ADK: variants seen among roughly 807,000 people sequenced by gnomAD.
ADK encodes adenosine kinase.
Under a neutral mutation model 44.7 loss-of-function variants are expected in ADK, and 24 were observed. The ratio of observed to expected loss-of-function variants is 0.54; its 90% CI spans 0.39 to 0.76. The LOEUF is 0.76. Ranked by LOEUF, ADK falls within the 30% of genes least tolerant of loss-of-function variation. The pLI is 0.00. For missense variants in ADK, 321 were observed against 425.1 expected (o/e 0.76, Z 2.15); for synonymous variants, 128 against 142.6 (o/e 0.90, Z 0.73).
At chr10:74,432,309 A>G (rs1431738732) in intron 6 of ADK, among the ~76,000 whole-genome samples, 1 of 152,226 alleles carries the variant, frequency 6.6e-6, no homozygotes, top group Non-Finnish European at 1.5e-5. Context: ...GACAGGCCAT[A>G]TTCCATATCT....
At chr10:74,190,267 A>G (rs1842915044) in intron 1 of ADK, among the ~76,000 whole-genome samples, 1 of 152,228 alleles carries the variant, frequency 6.6e-6, no homozygotes, top group African/African-American at 2.4e-5. Context: ...GTCTTCGCTG[A>G]GAGGCTCTGT....
intron 1 of ADK, among the ~76,000 whole-genome samples, chr10:74,172,673 G>A (rs1184199187): frequency 8.2e-6 from 1 of 121,596 alleles, no homozygotes; most frequent in Non-Finnish European, 1.6e-5. Flanking sequence ...TGGGCAACAA[G>A]AGTGAAACTC....
intron 9 of ADK, chr10:74,655,744 T>C: frequency 4.1e-6 from 2 of 488,102 alleles, no homozygotes; most frequent in Non-Finnish European, 8.1e-6. Flanking sequence ...TTGCTGTTCC[T>C]CCAGTTGCCA....
At chr10:74,649,459 A>T (rs1372588810) in intron 9 of ADK, among the ~76,000 whole-genome samples, 1 of 151,906 alleles carries the variant, frequency 6.6e-6, no homozygotes, top group Non-Finnish European at 1.5e-5. Context: ...GACCCTGTCT[A>T]CAAAAAATTA....
intron 1 of ADK, among the ~76,000 whole-genome samples, chr10:74,175,161 G>T (rs1028677244): frequency 6.6e-6 from 1 of 152,120 alleles, no homozygotes; most frequent in Non-Finnish European, 1.5e-5. Context: ...CGGGCAGATC[G>T]CTTGAGGCCA....
intron 6 of ADK, among the ~76,000 whole-genome samples, chr10:74,431,694 T>C (rs1785305064): frequency 6.6e-6 from 1 of 152,032 alleles, no homozygotes; most frequent in Non-Finnish European, 1.5e-5. Context: ...TGAGCCTAGA[T>C]TGTGCCACTG....
intron 9 of ADK, among the ~76,000 whole-genome samples, chr10:74,629,269 A>T (rs1853328231): frequency 6.6e-6 from 1 of 152,002 alleles, no homozygotes; most frequent in African/African-American, 2.4e-5. Flanking sequence ...GCCTCAAGTG[A>T]TTCTCCTGCT....
At chr10:74,641,575 T>A (rs1853843729) in intron 9 of ADK, 1 of 152,214 alleles carries the variant, frequency 6.6e-6, no homozygotes, top group Non-Finnish European at 1.5e-5. Context: ...GTCTAATGCA[T>A]TTATATAAAA....
intron 6 of ADK, among the ~76,000 whole-genome samples, chr10:74,424,186 C>T (rs1298929533): frequency 6.6e-6 from 1 of 152,068 alleles, no homozygotes; most frequent in Non-Finnish European, 1.5e-5. Context: ...GGTGGTATCT[C>T]CATATAAAAA....
intron 6 of ADK, among the ~76,000 whole-genome samples, chr10:74,514,750 T>G (rs1186198566): frequency 2.0e-5 from 3 of 152,218 alleles, no homozygotes; most frequent in Non-Finnish European, 4.4e-5. Context: ...ACATTTCATA[T>G]ATTTCCTTAT....
chr10:74,640,437 A>G (rs1853800739), intron 9 of ADK, among the ~76,000 whole-genome samples: 2 of 152,248 alleles, frequency 1.3e-5, no homozygotes, highest in Admixed American at 1.3e-4. Flanking sequence ...GGAAAATAAC[A>G]AAGAGGGAAT....
chr10:74,205,219 G>C (rs1843549556), intron 2 of ADK, among the ~76,000 whole-genome samples: 1 of 151,958 alleles, frequency 6.6e-6, no homozygotes, highest in Non-Finnish European at 1.5e-5. Context: ...GTGTTTTTAA[G>C]GTTGATGTTT....
chr10:74,620,993 T>C (rs369789768), intron 9 of ADK, among the ~76,000 whole-genome samples: 22 of 152,280 alleles, frequency 1.4e-4, no homozygotes, highest in Admixed American at 2.6e-4. Context: ...GTAAGTTGTA[T>C]GTATTTTTTT....
At chr10:74,160,248 C>T (rs909335630) in intron 1 of ADK, among the ~76,000 whole-genome samples, 51 of 152,324 alleles carry the variant, frequency 3.3e-4, no homozygotes, top group African/African-American at 1.2e-3. Flanking sequence ...CACGGCAACA[C>T]CCAGAAGTTA....
At chr10:74,411,445 T>G (rs1474668712) in intron 6 of ADK, among the ~76,000 whole-genome samples, 1 of 152,230 alleles carries the variant, frequency 6.6e-6, no homozygotes, top group Non-Finnish European at 1.5e-5. Context: ...CATGAATATT[T>G]TGGTTTCTGA....
rs369107109 is a variant in ADK at position 74,363,186 on chromosome 10, A to G, written c.274-30955A>G. Among the ~76,000 whole-genome samples, 14 of 152,338 alleles carry G rather than the reference A, an allele frequency of 9.2e-5. No individual in the cohort carries two copies. In the East Asian group the frequency reaches 1.9e-3, roughly 21 times the overall value. On this transcript the variant is annotated intron_variant, in intron 4 of 10. Coordinates refer to ENST00000539909, the MANE Select transcript of ADK (RefSeq NM_006721.4). ...AGTATCTACTATGGATATGCCTGTCACATGGATCCAGTTGGGCGTGTGTCT... is the reference window on the plus strand; with the variant it reads ...AGTATCTACTATGGATATGCCTGTCGCATGGATCCAGTTGGGCGTGTGTCT...
intron 1 of ADK, among the ~76,000 whole-genome samples, chr10:74,189,334 A>C (rs779302615): frequency 1.3e-5 from 2 of 152,134 alleles, no homozygotes; most frequent in Admixed American, 1.3e-4. Context: ...TCTGTACCAT[A>C]TATCTGTAAA....
chr10:74,276,471 A>T (rs1397360426), intron 3 of ADK, among the ~76,000 whole-genome samples: 2 of 152,322 alleles, frequency 1.3e-5, no homozygotes, highest in South Asian at 4.1e-4. Context: ...CAGATAACAA[A>T]TTGACACAAA....
intron 7 of ADK, among the ~76,000 whole-genome samples, chr10:74,547,066 C>G (rs548403096): frequency 6.6e-6 from 1 of 152,032 alleles, no homozygotes; most frequent in Non-Finnish European, 1.5e-5. Context: ...ATTCCACACA[C>G]TTTTTATTTT....
Sources: allele counts gnomAD v4.1 joint callset (sites outside exome capture counted in the v4.1 genomes callset), GRCh38; gene constraint gnomAD v4.1.1; transcripts MANE v1.5; gene names NCBI Gene and HGNC (gene_info 2026-07-23, HGNC 2026-07-21).